Variants in CDC42BPB observed in about 807,000 individuals in gnomAD.
CDC42BPB encodes the protein CDC42 binding protein kinase beta.
Under a neutral mutation model 214.9 loss-of-function variants are expected in CDC42BPB, and 37 were observed. That is an observed-to-expected ratio of 0.17 (90% confidence interval 0.13 to 0.23). CDC42BPB has a LOEUF of 0.23. Among genes scored for constraint, CDC42BPB ranks in the 10% least tolerant of loss-of-function variants. CDC42BPB has a pLI of 1.00. For synonymous variants in CDC42BPB, 931 were observed against 884.0 expected, an observed-to-expected ratio of 1.05 and a Z score of -0.94; for missense variants, 1,694 against 2,227.0, an observed-to-expected ratio of 0.76 and a Z score of 4.82.
intron 1 of CDC42BPB, among the ~76,000 whole-genome samples, chr14:103,024,725 G>A (rs911157598): frequency 6.6e-6 from 1 of 152,120 alleles, no homozygotes; most frequent in Non-Finnish European, 1.5e-5. Flanking sequence ...GCTAATGGCA[G>A]CTTCCACTTT....
chr14:102,977,630 A>G (rs540740538), intron 9 of CDC42BPB, among the ~76,000 whole-genome samples: 2 of 152,204 alleles, frequency 1.3e-5, no homozygotes, highest in Non-Finnish European at 2.9e-5. Context: ...CTCTGATGGA[A>G]GCCAGCTCTC....
intron 5 of CDC42BPB, among the ~76,000 whole-genome samples, chr14:102,988,057 CAG>C (rs1555390771): frequency 6.6e-6 from 1 of 151,916 alleles, no homozygotes; most frequent in Non-Finnish European, 1.5e-5. Context: ...TGATTTAACT[CAG>C]GGAAGAAATA....
At chr14:103,005,705 G>T (rs1799796222) in intron 3 of CDC42BPB, among the ~76,000 whole-genome samples, 1 of 149,992 alleles carries the variant, frequency 6.7e-6, no homozygotes, top group Non-Finnish European at 1.5e-5. Flanking sequence ...TCTAAAACAA[G>T]AAAAAAAAAG....
At chr14:102,989,065 C>A (rs981019503) in intron 5 of CDC42BPB, among the ~76,000 whole-genome samples, 9 of 151,998 alleles carry the variant, frequency 5.9e-5, no homozygotes, top group African/African-American at 2.2e-4. Context: ...GCAAATACTT[C>A]TTTAAGAATT....
rs1284476127 is a variant in CDC42BPB at position 102,938,183 on chromosome 14, C to T, written c.4934-9G>A. On this transcript the variant is annotated splice_polypyrimidine_tract_variant and intron_variant, in intron 35 of 36. Transcript: ENST00000361246. ...GCTAGGCTCCGATCCACCTACAGAA[C>T]AAGGACAGCTTTCCTCTTAGGGAGA... 1.2e-6 allele frequency: 2 copies of T among 1,612,698 alleles called. No individual in the cohort carries two copies. Among genetic ancestry groups the T allele is most frequent in the African/African-American group, 1.3e-5 (1 of 74,910 alleles).
intron 1 of CDC42BPB, among the ~76,000 whole-genome samples, chr14:103,034,830 A>AG (rs959295467): frequency 2.6e-5 from 4 of 152,022 alleles, no homozygotes; most frequent in African/African-American, 4.8e-5. Context: ...AAAAAAAAAA[A>AG]AAAAGAAAAG....
chr14:102,995,965 TG>T (rs1486965744), intron 5 of CDC42BPB, among the ~76,000 whole-genome samples: 2 of 152,178 alleles, frequency 1.3e-5, no homozygotes, highest in Non-Finnish European at 2.9e-5. Context: ...TGAGTTAATT[TG>T]GGGGGAAAAA....
chr14:102,971,185 T>G (rs1006446689), intron 13 of CDC42BPB, among the ~76,000 whole-genome samples: 6 of 152,228 alleles, frequency 3.9e-5, no homozygotes, highest in Admixed American at 6.5e-5. Flanking sequence ...ACTCAACTGT[T>G]TTCCATTCAG....
In CDC42BPB at chr14:102,932,974, G is replaced by A. The variant is rs921185901; in HGVS notation, c.*738C>T. On this transcript the variant is annotated 3_prime_UTR_variant, in exon 37 of 37. Coordinates refer to ENST00000361246, the MANE Select transcript of CDC42BPB (RefSeq NM_006035.4). ...CTTCCCTCAGCCCAGCAGGCCACAG[G>A]GCCTGCCTGCACCACGACACTCGCT... 2 of 152,302 alleles carry A rather than the reference G, an allele frequency of 1.3e-5. No individual in the cohort carries two copies. Among genetic ancestry groups the A allele is most frequent in the African/African-American group, 2.4e-5 (1 of 41,400 alleles). The allele number at this position is 152,302 out of a possible 1,614,324, so 9.4% of individuals were successfully genotyped here. A position where few individuals can be genotyped will look rare whatever the true frequency, so the allele number is the denominator to read the frequency against.
rs1266433284 is a variant in CDC42BPB at position 102,932,582 on chromosome 14, G to A, written c.*1130C>T. The A allele has an allele frequency of 6.6e-6, 1 of 152,456 alleles. No homozygotes were observed. The highest frequency in any genetic ancestry group is 2.4e-5 in the African/African-American group (1 of 41,388). 9.4% of individuals were successfully genotyped at this position (152,456 alleles called of 1,614,324 possible). Reference sequence around the variant, plus strand: ...TGCTGGGCCACTCAGTGCCGACTTGGGGAAGTGCACGTCCTGAACAGCCTT... The same window carrying A: ...TGCTGGGCCACTCAGTGCCGACTTGAGGAAGTGCACGTCCTGAACAGCCTT... On this transcript the variant is annotated 3_prime_UTR_variant, in exon 37 of 37. Coordinates refer to ENST00000361246, the MANE Select transcript of CDC42BPB (RefSeq NM_006035.4).
At chr14:102,940,423 G>C in intron 30 of CDC42BPB, 99 bp from the exon 31 acceptor site, 2 of 1,532,876 alleles carry the variant, frequency 1.3e-6, no homozygotes, top group African/African-American at 1.4e-5. Flanking sequence ...CAAGTGCAGA[G>C]GCGGCAGCAC....
intron 20 of CDC42BPB, among the ~76,000 whole-genome samples, chr14:102,961,335 T>C (rs1329885960): frequency 1.4e-5 from 2 of 143,558 alleles, no homozygotes; most frequent in Admixed American, 7.0e-5. Context: ...GAAAACCACC[T>C]TTTTTTTTTT....
chr14:103,011,428 GA>G (rs1334520792), intron 2 of CDC42BPB, among the ~76,000 whole-genome samples: 2 of 152,168 alleles, frequency 1.3e-5, no homozygotes, highest in Non-Finnish European at 2.9e-5. Context: ...TTAACAAATG[GA>G]GTTTTAGAAA....
chr14:103,008,649 G>C (rs535461268), intron 2 of CDC42BPB, 94 bp from the exon 3 acceptor site: 1 of 1,537,890 alleles, frequency 6.5e-7, no homozygotes, highest in African/African-American at 1.4e-5. Context: ...AACAGCCCAG[G>C]AGCCTGTGAA....
chr14:102,940,458 A>G (rs1161175678), intron 30 of CDC42BPB, 134 bp from the exon 31 acceptor site: 14 of 1,479,696 alleles, frequency 9.5e-6, no homozygotes, highest in South Asian at 4.0e-5. Context: ...TCACGTCACC[A>G]AAGACTTCAT....
At chr14:103,049,224 G>A (rs1888469803) in intron 1 of CDC42BPB, among the ~76,000 whole-genome samples, 1 of 152,180 alleles carries the variant, frequency 6.6e-6, no homozygotes, top group Admixed American at 6.5e-5. Flanking sequence ...GAAATTTAAG[G>A]CAGGCATTGC....
intron 25 of CDC42BPB, chr14:102,950,212 C>A: frequency 1.5e-6 from 1 of 665,066 alleles, no homozygotes; most frequent in Non-Finnish European, 1.9e-6. Context: ...TGAGCTTCTG[C>A]CCACTGGCTG....
intron 29 of CDC42BPB, chr14:102,945,110 C>G (rs1016451349): frequency 4.7e-5 from 18 of 379,460 alleles, no homozygotes; most frequent in Middle Eastern, 7.4e-4. Flanking sequence ...CTGCCCCGCC[C>G]TTCTCGCTCC....
chr14:102,973,964 A>G lies in CDC42BPB; in HGVS notation c.1641+52T>C, dbSNP rs200334190. ...ATCATCGGCATGAACGTGACCTTAC[A>G]GAATTCTGCAAAGTCCCGTAAGCCT... On this transcript the variant is annotated intron_variant, in intron 12 of 36. Transcript: ENST00000361246. 3,109 of 1,556,598 alleles carry G rather than the reference A, an allele frequency of 2.0e-3. 8 individuals are homozygous for G. The highest frequency in any genetic ancestry group is 2.6e-3 in the Non-Finnish European group (2,955 of 1,151,948).
Sources: gnomAD v4.1 joint callset for allele counts (sites outside exome capture counted in the v4.1 genomes callset) on GRCh38, gnomAD v4.1.1 for gene constraint, MANE v1.5 for transcripts, NCBI Gene and HGNC (gene_info 2026-07-23, HGNC 2026-07-21) for gene names.